Variants in DPYD observed in about 807,000 individuals in gnomAD.
The protein encoded by DPYD is dihydropyrimidine dehydrogenase [NADP(+)].
A neutral mutation model predicts 116.2 loss-of-function variants in DPYD; 109 were observed. That is an observed-to-expected ratio of 0.94 (90% confidence interval 0.80 to 1.10). The LOEUF (loss-of-function observed/expected upper bound fraction) is 1.10, where lower values mean the gene tolerates loss of function less well. Among genes scored for constraint, DPYD ranks in the 50% least tolerant of loss-of-function variants. The probability of loss-of-function intolerance (pLI) is 0.00; values close to 1 mark genes in which losing one functional copy is unlikely to be tolerated. For synonymous variants in DPYD, 440 were observed against 432.0 expected, an observed-to-expected ratio of 1.02 and a Z score of -0.23; for missense variants, 1,302 against 1,254.5, an observed-to-expected ratio of 1.04 and a Z score of -0.57.
chr1:97,280,543 G>T (rs572005466), intron 18 of DPYD, among the ~76,000 whole-genome samples: 10 of 152,184 alleles, frequency 6.6e-5, no homozygotes, highest in Admixed American at 1.3e-4. Flanking sequence ...GTACGCAATG[G>T]AATACTATTC....
At chr1:97,492,667 AAT>A (rs1375126741) in intron 13 of DPYD, among the ~76,000 whole-genome samples, 11 of 152,138 alleles carry the variant, frequency 7.2e-5, no homozygotes, top group Non-Finnish European at 1.2e-4. Context: ...ACAGTCTGCA[AAT>A]ATATGTTTCA....
intron 1 of DPYD, among the ~76,000 whole-genome samples, chr1:97,901,843 TCA>T (rs752186825): frequency 5.9e-5 from 9 of 151,820 alleles, no homozygotes; most frequent in Non-Finnish European, 8.8e-5. Flanking sequence ...TGTAAAAAAA[TCA>T]CAGATGCTCT....
intron 14 of DPYD, among the ~76,000 whole-genome samples, chr1:97,402,031 T>C (rs985518963): frequency 2.8e-4 from 42 of 152,176 alleles, no homozygotes; most frequent in African/African-American, 9.9e-4. Flanking sequence ...TGTAGCTTTA[T>C]AGTAAGTCTT....
intron 22 of DPYD, among the ~76,000 whole-genome samples, chr1:97,079,478 C>T (rs971845242): frequency 1.8e-4 from 28 of 152,036 alleles, no homozygotes; most frequent in African/African-American, 6.8e-4. Flanking sequence ...CAGGATGGGG[C>T]GTCTTCTACC....
chr1:97,133,668 T>C (rs1392717994), intron 20 of DPYD, among the ~76,000 whole-genome samples: 1 of 152,024 alleles, frequency 6.6e-6, no homozygotes, highest in Admixed American at 6.6e-5. Flanking sequence ...ACTTCTATGA[T>C]ACACATTGAC....
intron 12 of DPYD, among the ~76,000 whole-genome samples, chr1:97,547,508 T>C (rs886668867): frequency 2.0e-5 from 3 of 152,160 alleles, no homozygotes; most frequent in Non-Finnish European, 2.9e-5. Context: ...TAAATTGTGT[T>C]CTTTTTCTTT....
chr1:97,405,603 C>A (rs947137859), intron 14 of DPYD, among the ~76,000 whole-genome samples: 1 of 152,062 alleles, frequency 6.6e-6, no homozygotes. Context: ...GCAACCTCTG[C>A]CTCCCAGGTT....
intron 18 of DPYD, chr1:97,295,678 GC>G: frequency 1.3e-6 from 1 of 768,728 alleles, no homozygotes; most frequent in Non-Finnish European, 1.6e-6. Flanking sequence ...CAATCTGCCC[GC>G]CGCAGCTTCC....
chr1:97,903,256 T>G (rs539894915), intron 1 of DPYD, among the ~76,000 whole-genome samples: 3 of 152,012 alleles, frequency 2.0e-5, no homozygotes, highest in African/African-American at 7.2e-5. Flanking sequence ...TCACAAAGAA[T>G]GAAATAGCTC....
intron 13 of DPYD, among the ~76,000 whole-genome samples, chr1:97,489,064 G>A (rs1678821230): frequency 6.6e-6 from 1 of 152,142 alleles, no homozygotes; most frequent in Non-Finnish European, 1.5e-5. Context: ...CCAATTTGGG[G>A]GCTTGCCTGA....
intron 19 of DPYD, 85 bp from the exon 20 acceptor site, chr1:97,193,333 T>C: frequency 2.2e-6 from 3 of 1,380,872 alleles, no homozygotes; most frequent in Non-Finnish European, 3.0e-6. Context: ...TCAACAAATA[T>C]TTATTTTATG....
intron 18 of DPYD, among the ~76,000 whole-genome samples, chr1:97,252,651 C>T (rs1358864825): frequency 6.6e-6 from 1 of 152,136 alleles, no homozygotes; most frequent in Non-Finnish European, 1.5e-5. Context: ...TTTGCCAAAA[C>T]CGCTATATAC....
chr1:97,171,158 G>A (rs1019265700), intron 20 of DPYD, among the ~76,000 whole-genome samples: 3 of 152,152 alleles, frequency 2.0e-5, no homozygotes, highest in Non-Finnish European at 4.4e-5. Flanking sequence ...GGAAGAGTTG[G>A]ACCTGTGATC....
intron 20 of DPYD, among the ~76,000 whole-genome samples, chr1:97,106,690 G>A (rs1651178018): frequency 6.6e-6 from 1 of 152,074 alleles, no homozygotes; most frequent in Non-Finnish European, 1.5e-5. Context: ...GGCTCCCCCA[G>A]TTTTTAGGCC....
chr1:97,920,238 TA>T (rs1335021948), intron 1 of DPYD, among the ~76,000 whole-genome samples: 2 of 152,182 alleles, frequency 1.3e-5, no homozygotes, highest in East Asian at 3.9e-4. Flanking sequence ...AGATTTTTTT[TA>T]ACAGAAACGG....
intron 18 of DPYD, among the ~76,000 whole-genome samples, chr1:97,277,876 T>A (rs1189896414): frequency 6.6e-6 from 1 of 152,232 alleles, no homozygotes; most frequent in Admixed American, 6.5e-5. Flanking sequence ...AGGGCCTACA[T>A]GATCTCTGGT....
intron 8 of DPYD, among the ~76,000 whole-genome samples, chr1:97,658,071 T>C (rs1187451399): frequency 6.6e-6 from 1 of 152,188 alleles, no homozygotes; most frequent in Non-Finnish European, 1.5e-5. Context: ...ATTCTACAGA[T>C]AGTACCTACA....
At chr1:97,252,550 T>C (rs1004291119) in intron 18 of DPYD, among the ~76,000 whole-genome samples, 1 of 152,232 alleles carries the variant, frequency 6.6e-6, no homozygotes, top group African/African-American at 2.4e-5. Context: ...GATTTGGGCA[T>C]TGGGCATCAC....
intron 16 of DPYD, among the ~76,000 whole-genome samples, chr1:97,347,173 A>G (rs1395157345): frequency 6.6e-6 from 1 of 151,908 alleles, no homozygotes; most frequent in Non-Finnish European, 1.5e-5. Flanking sequence ...GAATATGCTA[A>G]CAGCAGGCAC....
Sources: allele counts gnomAD v4.1 joint callset (sites outside exome capture counted in the v4.1 genomes callset), GRCh38; gene constraint gnomAD v4.1.1; transcripts MANE v1.5; gene names NCBI Gene and HGNC (gene_info 2026-07-23, HGNC 2026-07-21).